Variants in RNF168 observed in about 807,000 individuals in gnomAD.
The protein encoded by RNF168 is ring finger protein 168.
A neutral mutation model predicts 34.9 loss-of-function variants in RNF168; 34 were observed. The ratio of observed to expected loss-of-function variants is 0.97; its 90% CI spans 0.74 to 1.30. The LOEUF (loss-of-function observed/expected upper bound fraction) is 1.30, where lower values mean the gene tolerates loss of function less well. Among genes scored for constraint, RNF168 ranks in the 50% most tolerant of loss-of-function variants. The pLI is 0.00. For synonymous variants in RNF168, 264 were observed against 254.7 expected (o/e 1.04, Z -0.35); for missense variants, 725 against 682.5 (o/e 1.06, Z -0.69).
chr3:196,479,730 C>T lies in RNF168; in HGVS notation c.680+4040G>A, dbSNP rs552569101. 4.0e-5 allele frequency among the ~76,000 whole-genome samples: 6 copies of T among 151,878 alleles called. No homozygotes were observed. The South Asian group carries it at 1.0e-3, about 26-fold the overall frequency. The stretch of plus-strand genomic sequence containing the variant: ...CTCAGCCTCCCCAGTAGCGGGATTA[C>T]AGGCGTCCGCCACCACGCCTGGCTA... On this transcript the variant is annotated intron_variant, in intron 4 of 5. Coordinates refer to ENST00000318037, the MANE Select transcript of RNF168 (RefSeq NM_152617.4).
At chr3:196,493,859 T>A (rs76399819) in intron 1 of RNF168, among the ~76,000 whole-genome samples, 150 of 131,420 alleles carry the variant, frequency 1.1e-3, no homozygotes, top group South Asian at 4.4e-3. Flanking sequence ...AAATTTATTT[T>A]TTTTTTTTTT....
At chr3:196,476,147 A>C (rs1409744392) in intron 4 of RNF168, among the ~76,000 whole-genome samples, 2 of 152,186 alleles carry the variant, frequency 1.3e-5, no homozygotes, top group Non-Finnish European at 2.9e-5. Context: ...GCCGTGAGCC[A>C]CTGCGCCCAG....
chr3:196,482,442 C>T (rs2108648140), intron 4 of RNF168, among the ~76,000 whole-genome samples: 1 of 152,278 alleles, frequency 6.6e-6, no homozygotes, highest in Admixed American at 6.5e-5. Flanking sequence ...TACCTGCTTT[C>T]AATTCTTTTG....
rs1482401591 is a variant in RNF168 at position 196,470,462 on chromosome 3, C to T, written c.*1357G>A. On this transcript the variant is annotated 3_prime_UTR_variant, in exon 6 of 6. Coordinates refer to ENST00000318037, the MANE Select transcript of RNF168 (RefSeq NM_152617.4). ...CAGTCACCCCATCCAGCCTCATCCTCATCTGGACCCGTTTCTGACCAACCA... is the reference window on the plus strand; with the variant it reads ...CAGTCACCCCATCCAGCCTCATCCTTATCTGGACCCGTTTCTGACCAACCA... 1 of 148,582 alleles carries T rather than the reference C, an allele frequency of 6.7e-6. No homozygotes were observed. Among genetic ancestry groups the T allele is most frequent in the Non-Finnish European group, 1.5e-5 (1 of 67,912 alleles). The allele number at this position is 148,582 out of a possible 1,614,324, so 9.2% of individuals were successfully genotyped here.
At chr3:196,475,424 AT>A (rs1190621037) in intron 4 of RNF168, 112 bp from the exon 5 acceptor site, 2 of 713,182 alleles carry the variant, frequency 2.8e-6, no homozygotes. Flanking sequence ...TGGCTGTTTT[AT>A]CAGAGTGTAT....
chr3:196,502,924 A>G lies in RNF168; in HGVS notation c.250T>C (p.Tyr84His), dbSNP rs1315390785. ...GCTCTAAGCTTGCACTCCCTGGGAT[A>G]GTGTTTTTGAATTATCGTCCACAGT... ...VELWTIIQKH[Y>H]PRECKLRASG... The change falls in exon 1 of 6, where the codon TAT becomes CAT. Residue 84 changes from tyrosine (Y) to histidine (H), a missense_variant. Coordinates refer to ENST00000318037, the MANE Select transcript of RNF168 (RefSeq NM_152617.4). 1 of 1,613,918 alleles carries G rather than the reference A, an allele frequency of 6.2e-7. No homozygotes were observed. The highest frequency in any genetic ancestry group is 2.2e-5 in the East Asian group (1 of 44,888).
intron 1 of RNF168, among the ~76,000 whole-genome samples, chr3:196,502,054 G>GA (rs554041803): frequency 0.065 from 3,232 of 50,030 alleles, 381 homozygotes; most frequent in Middle Eastern, 0.12. Context: ...AAAAAAATTA[G>GA]AAAAAAAAAA....
rs915966963 is a variant in RNF168 at position 196,471,917 on chromosome 3, T to C, written c.1618A>G (p.Thr540Ala). Reference sequence around the variant, plus strand: ...TTGGATACCTTACAGTGATCTCTAGTAGAATTTGGCATCTTTCTTCTATTA... The same window carrying C: ...TTGGATACCTTACAGTGATCTCTAGCAGAATTTGGCATCTTTCTTCTATTA... ...SVNRRKMPNS[T>A]RDHCKVSKSA... is the part of the protein sequence containing the mutation. The change falls in exon 6 of 6, where the codon ACT (threonine) becomes GCT (alanine). Residue 540 changes from threonine (T) to alanine (A), a missense_variant. Physicochemically the swap from Thr to Ala is moderately conservative, Grantham distance 58. Transcript: ENST00000318037. 1.2e-6 allele frequency: 2 copies of C among 1,613,864 alleles called. No individual in the cohort carries two copies. Among genetic ancestry groups the C allele is most frequent in the Non-Finnish European group, 1.7e-6 (2 of 1,179,712 alleles).
At chr3:196,495,125 G>A (rs147575251) in intron 1 of RNF168, among the ~76,000 whole-genome samples, 2 of 152,028 alleles carry the variant, frequency 1.3e-5, no homozygotes, top group Non-Finnish European at 2.9e-5. Context: ...ATAAACCCCC[G>A]TTTAACCTGC....
intron 1 of RNF168, among the ~76,000 whole-genome samples, chr3:196,498,663 T>A (rs1304148519): frequency 6.6e-6 from 1 of 152,070 alleles, no homozygotes; most frequent in Admixed American, 6.6e-5. Flanking sequence ...GCATAGTCAA[T>A]GGTGGAATAA....
chr3:196,491,628 A>G (rs544780547), intron 1 of RNF168, among the ~76,000 whole-genome samples: 21 of 152,346 alleles, frequency 1.4e-4, no homozygotes, highest in African/African-American at 5.1e-4. Context: ...CCTGGGCGAC[A>G]GAGGGAGGCT....
chr3:196,498,776 C>T (rs1462107920), intron 1 of RNF168, among the ~76,000 whole-genome samples: 1 of 152,082 alleles, frequency 6.6e-6, no homozygotes, highest in Non-Finnish European at 1.5e-5. Flanking sequence ...GGGTGGATCA[C>T]CTGAGGTCAG....
intron 4 of RNF168, chr3:196,475,528 A>G (rs1042579055): frequency 1.7e-5 from 9 of 535,350 alleles, no homozygotes; most frequent in East Asian, 1.6e-4. Flanking sequence ...AAAAGGAAGT[A>G]AAAGTCAAAT....
Position 196,487,593 on chromosome 3 carries a change from A to G in RNF168, c.379-15T>C. On this transcript the variant is annotated splice_polypyrimidine_tract_variant and intron_variant, in intron 2 of 5. Transcript: ENST00000318037. Reference sequence around the variant, plus strand: ...TCTGCCGCCACCTTAAAAGTGATTAATAAAGAGCAATCCTTCTCTGAACGT... The same window carrying G: ...TCTGCCGCCACCTTAAAAGTGATTAGTAAAGAGCAATCCTTCTCTGAACGT... The G allele has an allele frequency of 6.2e-7, 1 of 1,612,706 alleles. No individual in the cohort carries two copies. The highest frequency in any genetic ancestry group is 8.5e-7 in the Non-Finnish European group (1 of 1,178,716).
intron 1 of RNF168, among the ~76,000 whole-genome samples, chr3:196,494,540 T>C (rs1329623053): frequency 6.6e-6 from 1 of 152,204 alleles, no homozygotes; most frequent in Non-Finnish European, 1.5e-5. Flanking sequence ...ATCACTGAAC[T>C]AGACTGCAGC....
chr3:196,491,359 T>C (rs544693532), intron 1 of RNF168, among the ~76,000 whole-genome samples: 2 of 150,254 alleles, frequency 1.3e-5, no homozygotes, highest in South Asian at 4.2e-4. Flanking sequence ...ATAAAACAAC[T>C]GACAGTAGGC....
chr3:196,486,747 T>A (rs1483812983), intron 3 of RNF168, among the ~76,000 whole-genome samples: 1 of 152,244 alleles, frequency 6.6e-6, no homozygotes, highest in Non-Finnish European at 1.5e-5. Context: ...GAAGCTTTCA[T>A]TCTTCACTGA....
rs146875144 is a variant in RNF168, at chr3:196,472,138, C to T, written c.1397G>A (p.Arg466Gln). The part of the protein sequence containing the change: ...EVDKEQMVPN[R>Q]QKGSPDEYHL... ...ATACTCATCTGGGGATCCTTTTTGC[C>T]GGTTTGGCACCATTTGCTCTTTATC... The change falls in exon 6 of 6, where the codon CGG (arginine) becomes CAG (glutamine). Residue 466 changes from arginine to glutamine, a missense_variant. Coordinates refer to ENST00000318037, the MANE Select transcript of RNF168 (RefSeq NM_152617.4). 3.8e-5 allele frequency: 62 copies of T among 1,613,584 alleles called. No individual in the cohort carries two copies. The highest frequency in any genetic ancestry group is 1.8e-4 in the Admixed American group (11 of 59,856).
At chr3:196,500,972 A>G (rs1160778538) in intron 1 of RNF168, among the ~76,000 whole-genome samples, 1 of 152,146 alleles carries the variant, frequency 6.6e-6, no homozygotes, top group Non-Finnish European at 1.5e-5. Context: ...CGGCCTCCCA[A>G]AGTGCTGGGA....
Sources: gnomAD v4.1 joint callset for allele counts (sites outside exome capture counted in the v4.1 genomes callset) on GRCh38, gnomAD v4.1.1 for gene constraint, MANE v1.5 for transcripts, NCBI Gene and HGNC (gene_info 2026-07-23, HGNC 2026-07-21) for gene names.